Variants in CADM2 observed in about 807,000 individuals in gnomAD.
CADM2 encodes immunoglobulin superfamily member 4D.
Under a neutral mutation model 49.8 loss-of-function variants are expected in CADM2, and 12 were observed. That is an observed-to-expected ratio of 0.24 (90% CI 0.15 to 0.39). The LOEUF (loss-of-function observed/expected upper bound fraction) is 0.39, where lower values mean the gene tolerates loss of function less well. Among genes scored for constraint, CADM2 ranks in the 10% least tolerant of loss-of-function variants. CADM2 has a pLI of 1.00. For missense variants in CADM2, 378 were observed against 492.3 expected (o/e 0.77, Z 2.20); for synonymous variants, 214 against 175.4 (o/e 1.22, Z -1.74).
intron 1 of CADM2, among the ~76,000 whole-genome samples, chr3:85,560,646 G>GT (rs1256765304): frequency 1.3e-5 from 2 of 152,174 alleles, no homozygotes; most frequent in East Asian, 3.9e-4. Context: ...TTTCCTTTCC[G>GT]TTTTTTCACA....
chr3:85,558,648 A>G (rs764233295), intron 1 of CADM2, among the ~76,000 whole-genome samples: 13 of 152,098 alleles, frequency 8.5e-5, no homozygotes, highest in Non-Finnish European at 1.6e-4. Context: ...TTTGTTAACA[A>G]TAACCTCAGT....
At chr3:85,334,859 T>C (rs2045034235) in intron 1 of CADM2, among the ~76,000 whole-genome samples, 1 of 151,408 alleles carries the variant, frequency 6.6e-6, no homozygotes, top group South Asian at 2.1e-4. Flanking sequence ...ATTATGTAGT[T>C]TTTATATTGA....
chr3:85,758,097 G>T (rs2107889641), intron 2 of CADM2, among the ~76,000 whole-genome samples: 1 of 152,254 alleles, frequency 6.6e-6, no homozygotes. Flanking sequence ...AACAATAATG[G>T]ACAGGGATAT....
intron 8 of CADM2, chr3:85,994,483 G>A (rs1425787445): frequency 1.2e-4 from 18 of 152,184 alleles, no homozygotes; most frequent in Admixed American, 1.2e-3. Context: ...CACCGGAGTA[G>A]CACTTTTCAT....
chr3:85,425,583 G>A (rs1004393498), intron 1 of CADM2, among the ~76,000 whole-genome samples: 1 of 152,052 alleles, frequency 6.6e-6, no homozygotes, highest in Non-Finnish European at 1.5e-5. Flanking sequence ...TGGTGCTATT[G>A]AACACTTGAA....
intron 1 of CADM2, among the ~76,000 whole-genome samples, chr3:85,002,860 A>G (rs547534401): frequency 1.2e-4 from 19 of 152,036 alleles, no homozygotes; most frequent in Non-Finnish European, 2.1e-4. Context: ...ATCACAGCTC[A>G]CTATAGCCTT....
At chr3:85,987,723 ATAAT>A (rs1411042531) in intron 8 of CADM2, among the ~76,000 whole-genome samples, 1 of 136,858 alleles carries the variant, frequency 7.3e-6, no homozygotes, top group Non-Finnish European at 1.5e-5. Context: ...ATAATTAAAT[ATAAT>A]TATTATAATT....
chr3:85,673,160 C>T (rs1490103551), intron 1 of CADM2, among the ~76,000 whole-genome samples: 1 of 152,112 alleles, frequency 6.6e-6, no homozygotes, highest in Non-Finnish European at 1.5e-5. Flanking sequence ...AAACTCAGCC[C>T]ATTAACCAAA....
chr3:85,634,537 C>G (rs1477646210), intron 1 of CADM2, among the ~76,000 whole-genome samples: 1 of 151,898 alleles, frequency 6.6e-6, no homozygotes, highest in East Asian at 1.9e-4. Context: ...CAAGGTATGT[C>G]AAAAAGGCTC....
chr3:85,397,769 T>G (rs1276658649), intron 1 of CADM2, among the ~76,000 whole-genome samples: 8 of 152,150 alleles, frequency 5.3e-5, no homozygotes, highest in Non-Finnish European at 1.5e-5. Context: ...GTACAGAGTT[T>G]CTATTGGGGA....
At chr3:85,849,085 TC>T (rs2074994765) in intron 3 of CADM2, among the ~76,000 whole-genome samples, 1 of 152,158 alleles carries the variant, frequency 6.6e-6, no homozygotes, top group Non-Finnish European at 1.5e-5. Flanking sequence ...GGCCAGTGCT[TC>T]CTACAGACAG....
intron 1 of CADM2, among the ~76,000 whole-genome samples, chr3:85,076,838 G>C (rs2036963974): frequency 6.6e-6 from 1 of 152,022 alleles, no homozygotes; most frequent in South Asian, 2.1e-4. Flanking sequence ...AGGGCGTGGT[G>C]GCAGGCACCT....
intron 7 of CADM2, among the ~76,000 whole-genome samples, chr3:85,939,464 C>T (rs924375337): frequency 8.7e-5 from 12 of 138,222 alleles, no homozygotes; most frequent in South Asian, 4.6e-4. Context: ...TAAAAGTAAA[C>T]GAAAACACAC....
intron 1 of CADM2, among the ~76,000 whole-genome samples, chr3:85,343,317 AC>A (rs1395687857): frequency 6.6e-6 from 1 of 152,212 alleles, no homozygotes; most frequent in Admixed American, 6.5e-5. Flanking sequence ...GTACTGAGCC[AC>A]GGGGATGTTA....
intron 1 of CADM2, among the ~76,000 whole-genome samples, chr3:85,346,858 G>A (rs1364151721): frequency 6.6e-6 from 1 of 152,086 alleles, no homozygotes; most frequent in African/African-American, 2.4e-5. Flanking sequence ...GCTTAAAACA[G>A]CATTCACACT....
intron 1 of CADM2, among the ~76,000 whole-genome samples, chr3:85,323,327 T>C (rs1394484966): frequency 6.6e-6 from 1 of 152,244 alleles, no homozygotes; most frequent in African/African-American, 2.4e-5. Flanking sequence ...GCAATATATA[T>C]GCATTTTTCT....
chr3:85,372,584 C>T (rs1205529654), intron 1 of CADM2, among the ~76,000 whole-genome samples: 1 of 151,890 alleles, frequency 6.6e-6, no homozygotes, highest in Non-Finnish European at 1.5e-5. Context: ...GTGTTATACC[C>T]CTCTGGCCCA....
At chr3:85,495,441 G>A (rs2039847117) in intron 1 of CADM2, among the ~76,000 whole-genome samples, 1 of 152,032 alleles carries the variant, frequency 6.6e-6, no homozygotes, top group Non-Finnish European at 1.5e-5. Flanking sequence ...TGCAATGTGA[G>A]GTGACCCAAA....
chr3:85,526,913 A>C (rs1697256621), intron 1 of CADM2, among the ~76,000 whole-genome samples: 1 of 152,210 alleles, frequency 6.6e-6, no homozygotes, highest in Admixed American at 6.5e-5. Flanking sequence ...GAATTTGTTT[A>C]GGATTTGAAC....
Sources: gnomAD v4.1 joint callset for allele counts (sites outside exome capture counted in the v4.1 genomes callset) on GRCh38, gnomAD v4.1.1 for gene constraint, MANE v1.5 for transcripts, NCBI Gene and HGNC (gene_info 2026-07-23, HGNC 2026-07-21) for gene names.